CELF2: variants seen among roughly 807,000 people sequenced by gnomAD.
CELF2 encodes CUG triplet repeat RNA-binding protein 2.
CELF2 carries 8 observed loss-of-function variants against 62.6 expected under a neutral mutation model. That is an observed-to-expected ratio of 0.13 (90% confidence interval 0.07 to 0.23). The LOEUF (loss-of-function observed/expected upper bound fraction) is 0.23. CELF2 is among the 10% of genes least tolerant of loss of function. The pLI is 1.00. For synonymous variants in CELF2, 258 were observed against 250.0 expected (o/e 1.03, Z -0.30); for missense variants, 333 against 671.0 (o/e 0.50, Z 5.56).
At chr10:10,585,025 T>G in the CELF2 span, among the ~76,000 whole-genome samples, 1 of 151,968 alleles carries the variant, frequency 6.6e-6, no homozygotes, top group African/African-American at 2.4e-5. Flanking sequence ...ATAGCAAGAA[T>G]TAAAGAGAAT....
At chr10:11,083,474 G>T (rs573221764) in intron 1 of CELF2, among the ~76,000 whole-genome samples, 1 of 152,142 alleles carries the variant, frequency 6.6e-6, no homozygotes, top group Non-Finnish European at 1.5e-5. Flanking sequence ...TCACGGAGGG[G>T]TGCCAAGACC....
At chr10:10,901,911 G>A (rs1022180613) in intron 1 of CELF2, among the ~76,000 whole-genome samples, 1 of 151,936 alleles carries the variant, frequency 6.6e-6, no homozygotes, top group African/African-American at 2.4e-5. Context: ...TTTTGTAATT[G>A]GGCAAAAGAT....
chr10:11,047,260 C>T (rs1181893524), intron 1 of CELF2, among the ~76,000 whole-genome samples: 2 of 152,156 alleles, frequency 1.3e-5, no homozygotes, highest in Non-Finnish European at 2.9e-5. Flanking sequence ...TAGTGCTTTA[C>T]TCACAGCCAA....
the CELF2 span, among the ~76,000 whole-genome samples, chr10:10,535,027 A>G: frequency 6.6e-6 from 1 of 152,240 alleles, no homozygotes; most frequent in Non-Finnish European, 1.5e-5. Context: ...CATCAGCCTT[A>G]GTATATGTAT....
the CELF2 span, among the ~76,000 whole-genome samples, chr10:10,489,367 T>A: frequency 2.0e-5 from 3 of 152,144 alleles, no homozygotes; most frequent in Non-Finnish European, 4.4e-5. Context: ...TGTAGCATAA[T>A]GAGAGTCTTC....
intron 1 of CELF2, among the ~76,000 whole-genome samples, chr10:11,095,637 A>G (rs1288407522): frequency 1.3e-5 from 2 of 152,226 alleles, no homozygotes; most frequent in Non-Finnish European, 2.9e-5. Flanking sequence ...CAGCTTGGGA[A>G]AAGGCCTGTT....
At chr10:10,491,900 T>G in the CELF2 span, among the ~76,000 whole-genome samples, 1 of 152,146 alleles carries the variant, frequency 6.6e-6, no homozygotes, top group Admixed American at 6.6e-5. Context: ...AACATGATCT[T>G]TTCTTATACA....
At position 10,945,340 on chromosome 10, in the gene CELF2, C is replaced by T. The variant is rs914071811; in HGVS notation, c.89+25341C>T. On this transcript the variant is annotated intron_variant, in intron 2 of 13. Transcript: ENST00000636488. The stretch of plus-strand genomic sequence containing the variant: ...TCATGGGAGGGAGGAAAGCAGGTAA[C>T]TTGCCCTGAGTACCTGCTCTCGGCC... 5.9e-5 allele frequency among the ~76,000 whole-genome samples: 9 copies of T among 152,276 alleles called. No individual in the cohort carries two copies. The South Asian group carries it at 1.9e-3, about 32-fold the overall frequency.
intron 1 of CELF2, among the ~76,000 whole-genome samples, chr10:10,820,964 G>C (rs2056912460): frequency 6.6e-6 from 1 of 152,232 alleles, no homozygotes; most frequent in African/African-American, 2.4e-5. Context: ...CCCGGCCAGA[G>C]ATGACAGTAG....
At chr10:10,563,470 C>G in the CELF2 span, among the ~76,000 whole-genome samples, 1 of 151,932 alleles carries the variant, frequency 6.6e-6, no homozygotes, top group Non-Finnish European at 1.5e-5. Context: ...ATTGGCCAGG[C>G]ATGGTGGTGT....
chr10:10,696,506 C>T, the CELF2 span, among the ~76,000 whole-genome samples: 3 of 151,732 alleles, frequency 2.0e-5, no homozygotes, highest in African/African-American at 4.9e-5. Context: ...GCAGGCAGGC[C>T]TCCTTGAGCT....
the CELF2 span, among the ~76,000 whole-genome samples, chr10:10,747,792 C>T: frequency 2.6e-5 from 4 of 152,148 alleles, no homozygotes; most frequent in East Asian, 1.9e-4. Context: ...CTGCAAGCTC[C>T]GCTTCCAGGG....
At chr10:11,192,474 A>G (rs1001167285) in intron 2 of CELF2, among the ~76,000 whole-genome samples, 4 of 152,250 alleles carry the variant, frequency 2.6e-5, no homozygotes, top group Admixed American at 1.3e-4. Flanking sequence ...AGGGGAGACC[A>G]CAGCGTCAGC....
At chr10:11,320,573 G>A (rs2095378070) in intron 10 of CELF2, among the ~76,000 whole-genome samples, 1 of 151,516 alleles carries the variant, frequency 6.6e-6, no homozygotes, top group Non-Finnish European at 1.5e-5. Context: ...TATTCCTAAG[G>A]TCCTAGTCCC....
At chr10:11,195,243 T>C (rs887505667) in intron 2 of CELF2, among the ~76,000 whole-genome samples, 1 of 152,140 alleles carries the variant, frequency 6.6e-6, no homozygotes, top group Non-Finnish European at 1.5e-5. Flanking sequence ...CTCCAAGTGC[T>C]GTCTGAGAGT....
chr10:10,981,174 T>A (rs762021501), intron 2 of CELF2, among the ~76,000 whole-genome samples: 40 of 152,220 alleles, frequency 2.6e-4, no homozygotes, highest in Non-Finnish European at 5.3e-4. Flanking sequence ...TTCATTCATT[T>A]CTTCGCACTT....
chr10:11,263,441 AT>A (rs2081299875), intron 5 of CELF2, among the ~76,000 whole-genome samples: 1 of 152,006 alleles, frequency 6.6e-6, no homozygotes, highest in African/African-American at 2.4e-5. Flanking sequence ...ATACCTGTAT[AT>A]TTTCCCCCCA....
chr10:11,119,549 C>G (rs1564818719), intron 1 of CELF2, among the ~76,000 whole-genome samples: 1 of 152,176 alleles, frequency 6.6e-6, no homozygotes, highest in Non-Finnish European at 1.5e-5. Context: ...ATGTGTCATT[C>G]AGAAATGTCA....
At chr10:10,630,927 A>C in the CELF2 span, among the ~76,000 whole-genome samples, 3 of 152,172 alleles carry the variant, frequency 2.0e-5, no homozygotes, top group Non-Finnish European at 4.4e-5. Context: ...CGGAGTGCAC[A>C]ATGTACATTT....
Sources: gnomAD v4.1 joint callset for allele counts (sites outside exome capture counted in the v4.1 genomes callset) on GRCh38, gnomAD v4.1.1 for gene constraint, MANE v1.5 for transcripts, NCBI Gene and HGNC (gene_info 2026-07-23, HGNC 2026-07-21) for gene names.